Variants in SCAF11 observed in about 807,000 individuals in gnomAD.
SCAF11 encodes SR-related CTD associated factor 11.
Under a neutral mutation model 140.5 loss-of-function variants are expected in SCAF11, and 47 were observed. The ratio of observed to expected loss-of-function variants is 0.33; its 90% CI spans 0.26 to 0.43. The LOEUF (loss-of-function observed/expected upper bound fraction) is 0.43, where lower values mean the gene tolerates loss of function less well. Ranked by LOEUF, SCAF11 falls within the 20% of genes least tolerant of loss-of-function variation. The pLI is 1.00. For synonymous variants in SCAF11, 557 were observed against 579.4 expected (o/e 0.96, Z 0.55); for missense variants, 1,645 against 1,705.1 (o/e 0.96, Z 0.62).
chr12:45,924,599 T>C, intron 12 of SCAF11, 129 bp downstream of exon 12: 4 of 733,690 alleles, frequency 5.5e-6, no homozygotes, highest in Non-Finnish European at 8.7e-6. Flanking sequence ...ATTATGAAGG[T>C]TTACCATAAC....
At chr12:45,924,215 T>C (rs1944787722) in intron 12 of SCAF11, among the ~76,000 whole-genome samples, 1 of 152,238 alleles carries the variant, frequency 6.6e-6, no homozygotes, top group Non-Finnish European at 1.5e-5. Context: ...TCAAATTTTC[T>C]ATGTCTCACA....
intron 1 of SCAF11, among the ~76,000 whole-genome samples, chr12:45,968,935 C>A (rs1016503998): frequency 6.6e-6 from 1 of 151,980 alleles, no homozygotes; most frequent in African/African-American, 2.4e-5. Flanking sequence ...TAAAGAACAC[C>A]CAAAAACGCA....
chr12:45,947,018 T>C (rs182118031), intron 5 of SCAF11, among the ~76,000 whole-genome samples: 2 of 152,288 alleles, frequency 1.3e-5, no homozygotes, highest in East Asian at 3.9e-4. Context: ...TCTAAGGAGC[T>C]TACAGTGTTA....
In SCAF11 at chr12:45,931,547, C is replaced by G. The variant is rs759883887; in HGVS notation, c.800G>C (p.Arg267Thr). 1 of 1,512,060 alleles carries G rather than the reference C, an allele frequency of 6.6e-7. No individual in the cohort carries two copies. Among genetic ancestry groups the G allele is most frequent in the Non-Finnish European group, 8.8e-7 (1 of 1,135,652 alleles). The allele number at this position is 1,512,060 out of a possible 1,614,324, so 93.7% of individuals were successfully genotyped here. Residue 267 changes from arginine to threonine, a missense_variant, in exon 10 of 15, where the codon AGA becomes ACA. Arg to Thr is a moderately conservative substitution (Grantham distance 71). This residue lies in a region of SCAF11 where 1,582 missense variants were observed against 1,609.2 expected (regional missense o/e 0.98). Transcript: ENST00000369367. Reference sequence around the variant, plus strand: ...TATGGTACTTGTTGGAAAAATAGTTCTTGGCAACACAGAAGAAATGAGAGG... The same window carrying G: ...TATGGTACTTGTTGGAAAAATAGTTGTTGGCAACACAGAAGAAATGAGAGG... ...VLPLISSVLPRTIFPTSTISF... is the reference protein window; with the variant it reads ...VLPLISSVLPTTIFPTSTISF...
At chr12:45,991,347 T>C (rs1415532872), upstream of SCAF11, among the ~76,000 whole-genome samples, 2 of 152,170 alleles carry the variant, frequency 1.3e-5, no homozygotes, top group East Asian at 3.9e-4. Flanking sequence ...GGCGGATCGC[T>C]TGAGCTCAGC....
At chr12:45,990,696 T>C (rs1023621178), upstream of SCAF11, 1 of 771,698 alleles carries the variant, frequency 1.3e-6, no homozygotes. Flanking sequence ...ACTCGCCACA[T>C]TCTGCTTACT....
intron 4 of SCAF11, among the ~76,000 whole-genome samples, chr12:45,949,534 G>T (rs959544418): frequency 1.3e-5 from 2 of 152,062 alleles, no homozygotes; most frequent in South Asian, 4.1e-4. Context: ...GACAGCACTA[G>T]TTAGATGAAA....
chr12:45,953,648 G>A (rs1229335187), intron 3 of SCAF11, among the ~76,000 whole-genome samples: 4 of 151,906 alleles, frequency 2.6e-5, no homozygotes, highest in African/African-American at 9.7e-5. Context: ...TAAATTTAGA[G>A]AAACATTAAA....
intron 1 of SCAF11, among the ~76,000 whole-genome samples, chr12:45,988,100 T>A (rs1343214262): frequency 6.6e-6 from 1 of 152,264 alleles, no homozygotes; most frequent in South Asian, 2.1e-4. Context: ...AGGTGCAAGG[T>A]TATTAACTTA....
upstream of SCAF11, among the ~76,000 whole-genome samples, chr12:45,991,073 G>T (rs1005873124): frequency 1.3e-5 from 2 of 152,240 alleles, no homozygotes; most frequent in African/African-American, 2.4e-5. Flanking sequence ...AAGAGTGTCC[G>T]CATGTTTGCG....
intron 1 of SCAF11, among the ~76,000 whole-genome samples, chr12:45,979,756 T>C (rs995753496): frequency 4.6e-5 from 7 of 152,170 alleles, no homozygotes; most frequent in Non-Finnish European, 1.0e-4. Flanking sequence ...GTTACATAAA[T>C]GTATATGTAT....
chr12:45,938,464 G>A (rs558835675), intron 6 of SCAF11, among the ~76,000 whole-genome samples: 1 of 151,988 alleles, frequency 6.6e-6, no homozygotes, highest in Non-Finnish European at 1.5e-5. Context: ...ACTCCAGCCT[G>A]GGTGACAAGA....
intron 4 of SCAF11, among the ~76,000 whole-genome samples, chr12:45,950,161 T>G (rs1229831546): frequency 6.6e-6 from 1 of 152,170 alleles, no homozygotes; most frequent in Non-Finnish European, 1.5e-5. Flanking sequence ...AGTCTGAGCC[T>G]GGACCTTGGT....
chr12:45,928,752 T>C lies in SCAF11; in HGVS notation c.949A>G (p.Thr317Ala), dbSNP rs1944965437. ...CGTGTAGACCTCCTTGTAGGAGTTGTCATTGCAGGTTTTCGTCTTGATCCT... is the reference window on the plus strand; with the variant it reads ...CGTGTAGACCTCCTTGTAGGAGTTGCCATTGCAGGTTTTCGTCTTGATCCT... ...TRGSRRKPAM[T>A]TPTRRSTRNT... The change falls in exon 11 of 15, where the codon ACA becomes GCA. Residue 317 changes from threonine (T) to alanine (A), a missense_variant. This residue lies in a region of SCAF11 where 1,582 missense variants were observed against 1,609.2 expected (regional missense o/e 0.98). Transcript: ENST00000369367. 3 of 1,613,932 alleles carry C rather than the reference T, an allele frequency of 1.9e-6. No individual in the cohort carries two copies. The highest frequency in any genetic ancestry group is 1.7e-5 in the Admixed American group (1 of 59,998).
At chr12:45,973,633 A>AT (rs1177386397) in intron 1 of SCAF11, among the ~76,000 whole-genome samples, 6 of 152,162 alleles carry the variant, frequency 3.9e-5, no homozygotes, top group African/African-American at 1.4e-4. Context: ...GAGTTTAATG[A>AT]TTTGAATCAC....
At chr12:45,966,527 T>C (rs754942290) in intron 1 of SCAF11, among the ~76,000 whole-genome samples, 5 of 151,742 alleles carry the variant, frequency 3.3e-5, no homozygotes, top group Admixed American at 6.6e-5. Context: ...AAAAACAGTG[T>C]GGCTATTAAG....
chr12:45,989,790 C>T (rs529272052), intron 1 of SCAF11, among the ~76,000 whole-genome samples: 1 of 152,338 alleles, frequency 6.6e-6, no homozygotes, highest in African/African-American at 2.4e-5. Flanking sequence ...GCCGGCTCTT[C>T]CCCATTCGCG....
In SCAF11 at chr12:45,933,156, G is replaced by A; in HGVS notation, c.709C>T (p.Pro237Ser). The change falls in exon 9 of 15, where the codon CCT (proline) becomes TCT (serine). Residue 237 changes from proline to serine, a missense_variant. Around this residue, in one of 2 missense-constraint regions of SCAF11, gnomAD observed 1,582 missense variants for 1,609.2 expected, o/e 0.98. Coordinates refer to ENST00000369367, the MANE Select transcript of SCAF11 (RefSeq NM_004719.3). ...CTTCCAATTCCAGGTAATGTATCAG[G>A]AAACCATGACAATTCCAGTTCATGT... is the stretch of plus-strand genomic sequence containing the variant. ...KRHELELSWFPDTLPGIGRIG... is the reference protein window; with the variant it reads ...KRHELELSWFSDTLPGIGRIG... 1 of 1,609,968 alleles carries A rather than the reference G, an allele frequency of 6.2e-7. No individual in the cohort carries two copies. Among genetic ancestry groups the A allele is most frequent in the East Asian group, 2.2e-5 (1 of 44,748 alleles).
At chr12:45,939,026 C>T (rs1349197563) in intron 6 of SCAF11, among the ~76,000 whole-genome samples, 1 of 149,040 alleles carries the variant, frequency 6.7e-6, no homozygotes, top group African/African-American at 2.5e-5. Flanking sequence ...AGTGATATTT[C>T]CTCAACAAAT....
Sources: allele counts gnomAD v4.1 joint callset (sites outside exome capture counted in the v4.1 genomes callset), GRCh38; gene constraint gnomAD v4.1.1; regional missense constraint gnomAD v4.1.1; transcripts MANE v1.5; gene names NCBI Gene and HGNC (gene_info 2026-07-23, HGNC 2026-07-21).